ANKRD11: variants seen among roughly 807,000 people sequenced by gnomAD.
ANKRD11 encodes ankyrin repeat domain 11.
A neutral mutation model predicts 195.7 loss-of-function variants in ANKRD11; 17 were observed. The observed-to-expected ratio is 0.09, with a 90% CI of 0.06 to 0.13. The LOEUF (loss-of-function observed/expected upper bound fraction) is 0.13, where lower values mean the gene tolerates loss of function less well. ANKRD11 is among the 10% of genes least tolerant of loss of function. ANKRD11 has a pLI of 1.00. For missense variants in ANKRD11, 3,735 were observed against 3,566.1 expected (o/e 1.05, Z -1.21); for synonymous variants, 1,953 against 1,528.1 (o/e 1.28, Z -6.49).
At position 89,285,186 on chromosome 16, in the gene ANKRD11, A is replaced by G. The variant is rs1166406108; in HGVS notation, c.1356T>C (p.Asn452=). 5.6e-6 allele frequency: 9 copies of G among 1,612,082 alleles called. No homozygotes were observed. The highest frequency in any genetic ancestry group is 1.6e-4 in the Middle Eastern group (1 of 6,084). ...PSNAKQQKEK[N]KVKKKRKKET... ...CTTTCTTTCGCTTCTTTTTCACTTT[A>G]TTTTTTTCCTTCTGCTGCTTGGCAT... The change falls in exon 9 of 13, where the codon AAT becomes AAC. Residue 452 remains asparagine (N), a synonymous_variant. Coordinates refer to ENST00000301030, the MANE Select transcript of ANKRD11 (RefSeq NM_013275.6). The surrounding 1 kb of genome is among the most constrained non-coding windows in gnomAD (Gnocchi z 5.6).
At chr16:89,317,128 C>T (rs1459942483) in intron 2 of ANKRD11, 50 bp from the exon 3 acceptor site, 6 of 1,170,700 alleles carry the variant, frequency 5.1e-6, no homozygotes, top group South Asian at 2.6e-5. Context: ...CAGCTCAAAA[C>T]TCATCCACTC....
intron 2 of ANKRD11, among the ~76,000 whole-genome samples, chr16:89,378,739 C>G (rs2040524501): frequency 2.6e-5 from 4 of 152,202 alleles, no homozygotes; most frequent in Admixed American, 2.6e-4. Context: ...GCCACCATGC[C>G]TGGCTAATTT....
chr16:89,474,878 G>A (rs918974019), intron 1 of ANKRD11, among the ~76,000 whole-genome samples: 1 of 152,222 alleles, frequency 6.6e-6, no homozygotes, highest in African/African-American at 2.4e-5. Context: ...AAAATAAAAT[G>A]TAAGTTAAAT....
intron 3 of ANKRD11, among the ~76,000 whole-genome samples, chr16:89,316,134 AC>A (rs1199784408): frequency 1.3e-5 from 2 of 152,290 alleles, no homozygotes; most frequent in East Asian, 3.9e-4. Context: ...AGGAGCTGAC[AC>A]ACATCCTGCA....
chr16:89,435,620 C>G (rs933687356), intron 1 of ANKRD11, among the ~76,000 whole-genome samples: 1 of 152,064 alleles, frequency 6.6e-6, no homozygotes, highest in Non-Finnish European at 1.5e-5. Context: ...ACACTCACCG[C>G]GAGGGTCCAC....
intron 1 of ANKRD11, among the ~76,000 whole-genome samples, chr16:89,478,413 G>A (rs1392530275): frequency 2.0e-5 from 3 of 152,010 alleles, no homozygotes; most frequent in African/African-American, 7.3e-5. Flanking sequence ...TCCCTCTGAG[G>A]TTAAGCAACC....
At chr16:89,274,677 A>C in intron 11 of ANKRD11, 137 bp downstream of exon 11, 3 of 1,319,012 alleles carry the variant, frequency 2.3e-6, no homozygotes, top group Non-Finnish European at 3.2e-6. Context: ...AGAGGCATGC[A>C]AAGGACTCTG....
intron 2 of ANKRD11, among the ~76,000 whole-genome samples, chr16:89,317,500 G>A (rs568499940): frequency 1.2e-4 from 18 of 152,276 alleles, no homozygotes; most frequent in African/African-American, 4.3e-4. Context: ...CCAGCCCTCA[G>A]GTCTGGCAGG....
At chr16:89,462,594 G>A (rs2056721596) in intron 1 of ANKRD11, among the ~76,000 whole-genome samples, 1 of 151,680 alleles carries the variant, frequency 6.6e-6, no homozygotes, top group African/African-American at 2.4e-5. Flanking sequence ...GAGCGTCTCC[G>A]CCCAGCCGCC....
intron 2 of ANKRD11, among the ~76,000 whole-genome samples, chr16:89,353,171 G>A (rs376103877): frequency 3.6e-4 from 54 of 152,030 alleles, no homozygotes; most frequent in African/African-American, 1.2e-3. Context: ...GTGAAACCCC[G>A]TCTCTACTAA....
intron 3 of ANKRD11, among the ~76,000 whole-genome samples, chr16:89,307,418 C>G (rs925941925): frequency 1.3e-5 from 2 of 152,190 alleles, no homozygotes; most frequent in Non-Finnish European, 2.9e-5. Flanking sequence ...AAAGAGCTTT[C>G]CAGAACATGC....
intron 2 of ANKRD11, among the ~76,000 whole-genome samples, chr16:89,403,994 T>G (rs1301726346): frequency 6.6e-6 from 1 of 152,058 alleles, no homozygotes; most frequent in African/African-American, 2.4e-5. Context: ...AAAACTAAAA[T>G]AGGGTGAAAG....
intron 9 of ANKRD11, 81 bp from the exon 10 acceptor site, chr16:89,275,272 C>A (rs901531803): frequency 8.2e-7 from 1 of 1,221,192 alleles, no homozygotes; most frequent in African/African-American, 1.5e-5. Context: ...TCACGGGGGT[C>A]CCGACTCAGC....
intron 7 of ANKRD11, chr16:89,288,225 G>C (rs2151781701): frequency 1.6e-6 from 1 of 612,262 alleles, no homozygotes; most frequent in Non-Finnish European, 2.9e-6. Context: ...ACTCCTGCAG[G>C]CCTCCTTCCA....
intron 2 of ANKRD11, among the ~76,000 whole-genome samples, chr16:89,374,052 CG>C (rs1479750213): frequency 6.6e-6 from 1 of 152,218 alleles, no homozygotes; most frequent in African/African-American, 2.4e-5. Flanking sequence ...GGAGACAACA[CG>C]CAAGTGTGAG....
intron 2 of ANKRD11, among the ~76,000 whole-genome samples, chr16:89,415,174 G>A (rs568011023): frequency 4.2e-4 from 63 of 150,774 alleles, no homozygotes; most frequent in African/African-American, 1.4e-3. Context: ...GGCTGGTCTC[G>A]CACTCCTGAG....
intron 2 of ANKRD11, among the ~76,000 whole-genome samples, chr16:89,381,330 G>GAAAAAAAAAAAAAA (rs2040638024): frequency 2.0e-5 from 1 of 49,582 alleles, no homozygotes; most frequent in African/African-American, 8.6e-5. Flanking sequence ...AGACTCTGCT[G>GAAAAAAAAAAAAAA]CAAAAAAAAA....
intron 1 of ANKRD11, among the ~76,000 whole-genome samples, chr16:89,434,127 C>T (rs1263796425): frequency 3.3e-5 from 5 of 152,070 alleles, no homozygotes; most frequent in Non-Finnish European, 7.4e-5. Context: ...GCAAACAGGA[C>T]CAAGAGAAGG....
At chr16:89,481,086 T>C (rs892032417) in intron 1 of ANKRD11, among the ~76,000 whole-genome samples, 2 of 152,188 alleles carry the variant, frequency 1.3e-5, no homozygotes, top group East Asian at 3.8e-4. Context: ...CTTTGCTCTA[T>C]CGTTTCACAA....
Sources: allele counts gnomAD v4.1 joint callset (sites outside exome capture counted in the v4.1 genomes callset), GRCh38; gene constraint gnomAD v4.1.1; non-coding constraint Gnocchi (gnomAD v3.1); transcripts MANE v1.5; gene names NCBI Gene and HGNC (gene_info 2026-07-23, HGNC 2026-07-21).